AMD1: variants seen among roughly 807,000 people sequenced by gnomAD.
The protein encoded by AMD1 is S-adenosylmethionine decarboxylase proenzyme.
AMD1 carries 11 observed loss-of-function variants against 40.2 expected under a neutral mutation model. That is an observed-to-expected ratio of 0.27 (90% CI 0.17 to 0.45). AMD1 has a LOEUF of 0.45. AMD1 is among the 20% of genes least tolerant of loss of function. AMD1 has a pLI of 1.00. For synonymous variants in AMD1, 121 were observed against 130.8 expected (o/e 0.93, Z 0.51); for missense variants, 257 against 410.2 (o/e 0.63, Z 3.23).
the AMD1 span, among the ~76,000 whole-genome samples, chr6:110,868,267 C>T: frequency 3.3e-5 from 5 of 152,030 alleles, no homozygotes; most frequent in Non-Finnish European, 7.4e-5. Context: ...TCTGCCTCAG[C>T]CTCCCAAGTA....
the AMD1 span, among the ~76,000 whole-genome samples, chr6:110,837,200 G>C: frequency 1.8e-5 from 1 of 54,830 alleles, no homozygotes; most frequent in African/African-American, 8.5e-5. Context: ...AAAAAAAAAA[G>C]ACTCACACCT....
At chr6:110,840,526 A>G in the AMD1 span, among the ~76,000 whole-genome samples, 1 of 152,166 alleles carries the variant, frequency 6.6e-6, no homozygotes, top group Non-Finnish European at 1.5e-5. Flanking sequence ...ATACAGATGA[A>G]GAGATGCATA....
At chr6:110,885,715 A>G (rs1785644681) in intron 1 of AMD1, among the ~76,000 whole-genome samples, 2 of 152,228 alleles carry the variant, frequency 1.3e-5, no homozygotes, top group Non-Finnish European at 2.9e-5. Context: ...CTTTTAAAAA[A>G]GTTGCTTAGT....
the AMD1 span, among the ~76,000 whole-genome samples, chr6:110,838,757 G>A: frequency 2.0e-5 from 3 of 152,104 alleles, no homozygotes; most frequent in Admixed American, 6.6e-5. Context: ...AACTCGAGAG[G>A]CTGAGGCAGG....
chr6:110,844,332 A>G, the AMD1 span, among the ~76,000 whole-genome samples: 1 of 149,038 alleles, frequency 6.7e-6, no homozygotes, highest in Non-Finnish European at 1.5e-5. Flanking sequence ...TAGTTTTTGT[A>G]TTTTTAGTAG....
upstream of AMD1, among the ~76,000 whole-genome samples, chr6:110,874,375 C>G (rs1784981276): frequency 1.3e-5 from 2 of 152,188 alleles, no homozygotes; most frequent in Non-Finnish European, 2.9e-5. Flanking sequence ...AGATCAAAAC[C>G]ACCACGCCAA....
the AMD1 span, among the ~76,000 whole-genome samples, chr6:110,819,831 G>A: frequency 6.6e-6 from 1 of 152,174 alleles, no homozygotes; most frequent in African/African-American, 2.4e-5. Flanking sequence ...AAAGAAGCTA[G>A]ACAAAACCCA....
At position 110,875,029 on chromosome 6, in the gene AMD1, G is replaced by A; in HGVS notation, c.-77G>A. The A allele has an allele frequency of 8.8e-7, 1 of 1,139,752 alleles. No individual in the cohort carries two copies. 70.6% of individuals were successfully genotyped at this position (1,139,752 alleles called of 1,614,324 possible). On this transcript the variant is annotated 5_prime_UTR_variant, in exon 1 of 9. Coordinates refer to ENST00000368885, the MANE Select transcript of AMD1 (RefSeq NM_001634.6). Reference sequence around the variant, plus strand: ...AACACAGCTGGAACAATCCGCAGCGGCGGCGGCAGCGGCGGGAGAAGAGGT... The same window carrying A: ...AACACAGCTGGAACAATCCGCAGCGACGGCGGCAGCGGCGGGAGAAGAGGT...
chr6:110,840,548 G>T, the AMD1 span, among the ~76,000 whole-genome samples: 3 of 152,116 alleles, frequency 2.0e-5, no homozygotes, highest in African/African-American at 7.2e-5. Context: ...GGCGAGGTGT[G>T]GGGGAAGGGG....
chr6:110,853,177 C>T, the AMD1 span, among the ~76,000 whole-genome samples: 1 of 151,866 alleles, frequency 6.6e-6, no homozygotes, highest in East Asian at 1.9e-4. Flanking sequence ...GGCTGGAGCG[C>T]AGTGGTGTCA....
At chr6:110,857,808 GTA>G in the AMD1 span, among the ~76,000 whole-genome samples, 8 of 146,226 alleles carry the variant, frequency 5.5e-5, no homozygotes, top group African/African-American at 2.0e-4. Context: ...TATATAGATG[GTA>G]TATATATACA....
At chr6:110,869,417 C>T in the AMD1 span, among the ~76,000 whole-genome samples, 1 of 152,140 alleles carries the variant, frequency 6.6e-6, no homozygotes, top group African/African-American at 2.4e-5. Flanking sequence ...CAGGCGTGAG[C>T]CACCGCGCCC....
chr6:110,840,529 G>C, the AMD1 span, among the ~76,000 whole-genome samples: 1 of 152,160 alleles, frequency 6.6e-6, no homozygotes, highest in Non-Finnish European at 1.5e-5. Flanking sequence ...CAGATGAAGA[G>C]ATGCATAGGG....
At chr6:110,842,906 GGA>G in the AMD1 span, among the ~76,000 whole-genome samples, 1 of 152,008 alleles carries the variant, frequency 6.6e-6, no homozygotes, top group African/African-American at 2.4e-5. Context: ...AGGCCGAGGG[GGA>G]TGGATCACAA....
chr6:110,874,788 T>C lies in AMD1; in HGVS notation c.-318T>C, dbSNP rs1343021885. On this transcript the variant is annotated 5_prime_UTR_variant, in exon 1 of 9. Coordinates refer to ENST00000368885, the MANE Select transcript of AMD1 (RefSeq NM_001634.6). ...GCGGTGCTCACGCAGCGCTCTCGCT[T>C]ACACAGTATGGCCGGCGACATTAGC... is the stretch of plus-strand genomic sequence containing the variant. 3.8e-6 allele frequency: 1 copy of C among 260,548 alleles called. No homozygotes were observed. The highest frequency in any genetic ancestry group is 7.4e-6 in the Non-Finnish European group (1 of 134,540). 16.1% of individuals were successfully genotyped at this position (260,548 alleles called of 1,614,324 possible).
At chr6:110,850,907 T>A in the AMD1 span, among the ~76,000 whole-genome samples, 1 of 152,212 alleles carries the variant, frequency 6.6e-6, no homozygotes. Flanking sequence ...ATTTTTGAAA[T>A]ACAGAGGTAA....
At chr6:110,864,076 C>T in the AMD1 span, 1 of 235,470 alleles carries the variant, frequency 4.2e-6, no homozygotes, top group African/African-American at 2.4e-5. Flanking sequence ...TCTCCTGCCT[C>T]AGCCCCCCAA....
In AMD1 at chr6:110,894,610, A is replaced by G. The variant is rs1786208799; in HGVS notation, c.*994A>G. The G allele has an allele frequency of 6.6e-6, 1 of 152,214 alleles. No individual in the cohort carries two copies. Among genetic ancestry groups the G allele is most frequent in the African/African-American group, 2.4e-5 (1 of 41,462 alleles). The allele number at this position is 152,214 out of a possible 1,614,324, so 9.4% of individuals were successfully genotyped here. A position where few individuals can be genotyped will look rare whatever the true frequency, so the allele number is the denominator to read the frequency against. On this transcript the variant is annotated 3_prime_UTR_variant, in exon 9 of 9. Coordinates refer to ENST00000368885, the MANE Select transcript of AMD1 (RefSeq NM_001634.6). Reference sequence around the variant, plus strand: ...AGTATAAAATCATTTTTATTTAGTTAATTACCAGAGAGATTTAGCATAATT... The same window carrying G: ...AGTATAAAATCATTTTTATTTAGTTGATTACCAGAGAGATTTAGCATAATT...
chr6:110,845,870 T>C, the AMD1 span, among the ~76,000 whole-genome samples: 1 of 152,198 alleles, frequency 6.6e-6, no homozygotes, highest in Non-Finnish European at 1.5e-5. Flanking sequence ...TCTGTCCCTA[T>C]AGAGAACCTT....
Sources: gnomAD v4.1 joint callset for allele counts (sites outside exome capture counted in the v4.1 genomes callset) on GRCh38, gnomAD v4.1.1 for gene constraint, MANE v1.5 for transcripts, NCBI Gene and HGNC (gene_info 2026-07-23, HGNC 2026-07-21) for gene names.